The following C11orf98 variants were observed in gnomAD, a reference collection of about 807,000 sequenced individuals.
C11orf98 encodes the protein chromosome 11 open reading frame 98, also known as 28S rRNA/ribosome and sororin micro-cofactor.
A neutral mutation model predicts 10.9 loss-of-function variants in C11orf98; 7 were observed. The ratio of observed to expected loss-of-function variants is 0.64; its 90% CI spans 0.37 to 1.21. C11orf98 has a LOEUF of 1.21. Ranked by LOEUF, C11orf98 falls within the 50% of genes most tolerant of loss-of-function variation. The pLI is 0.02. For synonymous variants in C11orf98, 70 were observed against 57.2 expected, an observed-to-expected ratio of 1.22 and a Z score of -1.01; for missense variants, 181 against 153.7, an observed-to-expected ratio of 1.18 and a Z score of -0.94.
intron 2 of C11orf98, 56 bp from the exon 3 acceptor site, chr11:62,663,389 C>T: frequency 6.5e-7 from 1 of 1,544,922 alleles, no homozygotes; most frequent in South Asian, 1.1e-5. Context: ...ACTGAGGTCA[C>T]ACAAATAGTT....
intron 2 of C11orf98, 134 bp from the exon 3 acceptor site, chr11:62,663,467 G>A (rs1344744508): frequency 2.4e-6 from 2 of 841,128 alleles, no homozygotes; most frequent in East Asian, 2.9e-5. Context: ...AGCACTTTGG[G>A]AGGCCGAGGC....
intron 1 of C11orf98, 47 bp downstream of exon 1, chr11:62,665,084 G>A: frequency 6.8e-7 from 1 of 1,472,058 alleles, no homozygotes; most frequent in Non-Finnish European, 9.3e-7. Context: ...AGATAAAAGG[G>A]CTCAGGAACG....
chr11:62,665,010 C>G, intron 1 of C11orf98, 37 bp from the exon 2 acceptor site: 7 of 1,603,594 alleles, frequency 4.4e-6, no homozygotes, highest in Non-Finnish European at 5.9e-6. Context: ...ATGGAGTGGG[C>G]TCGCCGCGAC....
At position 62,664,082 on chromosome 11, in the gene C11orf98, G is replaced by GAA. The variant is rs71056540; in HGVS notation, c.165-751_165-750dup. On this transcript the variant is annotated intron_variant, in intron 2 of 3. Coordinates refer to ENST00000524958, the MANE Select transcript of C11orf98 (RefSeq NM_001286086.2). ...AGGGAGACTCTGTCTCAAAAAAGAG[G>GAA]AAAAAAAAAAAAAAAAAAAAAAAGG... is the stretch of plus-strand genomic sequence containing the variant. Among the ~76,000 whole-genome samples the GAA allele has an allele frequency of 4.2e-4, 28 of 65,902 alleles. 1 individual carries two copies. Among genetic ancestry groups the GAA allele is most frequent in the Admixed American group, 7.7e-4 (4 of 5,170 alleles). 43.2% of individuals were successfully genotyped at this position (65,902 alleles called of 152,430 possible). A position where few individuals can be genotyped will look rare whatever the true frequency, so the allele number is the denominator to read the frequency against.
At chr11:62,663,742 T>A (rs868319826) in intron 2 of C11orf98, among the ~76,000 whole-genome samples, 3 of 147,448 alleles carry the variant, frequency 2.0e-5, no homozygotes, top group South Asian at 4.3e-4. Flanking sequence ...ATATAAATAG[T>A]AATAGAAACC....
chr11:62,662,951 C>G lies in C11orf98; in HGVS notation c.*99G>C. 1.1e-6 allele frequency: 1 copy of G among 909,176 alleles called. No individual in the cohort carries two copies. The highest frequency in any genetic ancestry group is 2.6e-5 in the East Asian group (1 of 39,176). 56.3% of individuals were successfully genotyped at this position (909,176 alleles called of 1,614,324 possible). A position where few individuals can be genotyped will look rare whatever the true frequency, so the allele number is the denominator to read the frequency against. ...AGTAGGCCATTAGGTAGGAGGAAAT[C>G]TGGAGAGTGAAAAGGGGCCTTGCTT... is the stretch of plus-strand genomic sequence containing the variant. On this transcript the variant is annotated 3_prime_UTR_variant, in exon 4 of 4. Coordinates refer to ENST00000524958, the MANE Select transcript of C11orf98 (RefSeq NM_001286086.2).
rs78596563 is a variant in C11orf98, at chr11:62,664,778, G to T, written c.164+71C>A. The stretch of plus-strand genomic sequence containing the variant: ...ACAAGGTGAGCTGAGAGGTGAAGCT[G>T]CTCCGGAGCTCTGCAGGGAGGAAGG... On this transcript the variant is annotated intron_variant, in intron 2 of 3. Transcript: ENST00000524958. 11,386 of 1,527,910 alleles carry T rather than the reference G, an allele frequency of 7.5e-3. 60 individuals carry two copies. Among genetic ancestry groups the T allele is most frequent in the African/African-American group, 0.028 (2,025 of 72,476 alleles). 94.6% of individuals were successfully genotyped at this position (1,527,910 alleles called of 1,614,324 possible).
rs1944694513 is a variant in C11orf98, at chr11:62,662,930, G to T, written c.*120C>A. On this transcript the variant is annotated 3_prime_UTR_variant, in exon 4 of 4. Transcript: ENST00000524958. ...GACATCCCTCTAGGGGAGGTCAGTA[G>T]GCCATTAGGTAGGAGGAAATCTGGA... is the stretch of plus-strand genomic sequence containing the variant. 1 of 749,062 alleles carries T rather than the reference G, an allele frequency of 1.3e-6. No homozygotes were observed. Among genetic ancestry groups the T allele is most frequent in the Non-Finnish European group, 2.1e-6 (1 of 465,926 alleles). 46.4% of individuals were successfully genotyped at this position (749,062 alleles called of 1,614,324 possible).
chr11:62,663,099 GTCT>G lies in C11orf98; in HGVS notation c.320_322del (p.Lys107del). 2 of 1,613,566 alleles carry G rather than the reference GTCT, an allele frequency of 1.2e-6. No individual in the cohort carries two copies. The highest frequency in any genetic ancestry group is 1.7e-6 in the Non-Finnish European group (2 of 1,179,702). On this transcript the variant is annotated inframe_deletion, in exon 4 of 4. Coordinates refer to ENST00000524958, the MANE Select transcript of C11orf98 (RefSeq NM_001286086.2). ...CATTTCTACATCCTGGGGGGCTTTT[GTCT>G]TCTTTTGCCTTTTGAGCTGTGGTTC... is the stretch of plus-strand genomic sequence containing the variant.
In C11orf98 at chr11:62,662,831, C is replaced by G. The variant is rs971920304; in HGVS notation, c.*219G>C. ...TCACACACATCTCAGAGTGCTAGGGCTTTATTACAAATGGAGTTGACTGCT... is the reference window on the plus strand; with the variant it reads ...TCACACACATCTCAGAGTGCTAGGGGTTTATTACAAATGGAGTTGACTGCT... On this transcript the variant is annotated 3_prime_UTR_variant, in exon 4 of 4. Transcript: ENST00000524958. The G allele has an allele frequency of 1.8e-6, 1 of 559,102 alleles. No homozygotes were observed. The allele number at this position is 559,102 out of a possible 1,614,324, so 34.6% of individuals were successfully genotyped here. A position where few individuals can be genotyped will look rare whatever the true frequency, so the allele number is the denominator to read the frequency against.
chr11:62,664,599 G>A (rs955843834), intron 2 of C11orf98, among the ~76,000 whole-genome samples: 2 of 152,222 alleles, frequency 1.3e-5, no homozygotes, highest in East Asian at 3.9e-4. Flanking sequence ...CCAAAGTGCT[G>A]GGATTACAGG....
chr11:62,665,065 T>C (rs770988874), intron 1 of C11orf98, 66 bp downstream of exon 1: 5 of 1,562,510 alleles, frequency 3.2e-6, no homozygotes, highest in Non-Finnish European at 4.3e-6. Context: ...ACTGATCCCA[T>C]CTCGTGCGAG....
At position 62,663,278 on chromosome 11, in the gene C11orf98, G is replaced by C. The variant is rs1232626484; in HGVS notation, c.220C>G (p.Gln74Glu). 2 of 1,614,180 alleles carry C rather than the reference G, an allele frequency of 1.2e-6. No homozygotes were observed. Among genetic ancestry groups the C allele is most frequent in the Admixed American group, 1.7e-5 (1 of 60,004 alleles). The change falls in exon 3 of 4, where the codon CAG becomes GAG. Residue 74 changes from glutamine (Q) to glutamate (E), a missense_variant. Physicochemically the swap from Gln to Glu is conservative, Grantham distance 29. Transcript: ENST00000524958. ...LSGKKRRKLLQQIRLAQKEKT... is the reference protein window; with the variant it reads ...LSGKKRRKLLEQIRLAQKEKT... ...TCTTTCTGGGCAAGCCGGATCTGCTGGAGGAGTTTTCTGCGCTTCTTCCCT... is the reference window on the plus strand; with the variant it reads ...TCTTTCTGGGCAAGCCGGATCTGCTCGAGGAGTTTTCTGCGCTTCTTCCCT...
rs148572859 is a variant in C11orf98, at chr11:62,663,292, C to A, written c.206G>T (p.Arg69Leu). The change falls in exon 3 of 4, where the codon CGC (arginine) becomes CTC (leucine). Residue 69 changes from arginine to leucine, a missense_variant. Transcript: ENST00000524958. Reference sequence around the variant, plus strand: ...CCGGATCTGCTGGAGGAGTTTTCTGCGCTTCTTCCCTGACAGTGTAATGTT... The same window carrying A: ...CCGGATCTGCTGGAGGAGTTTTCTGAGCTTCTTCCCTGACAGTGTAATGTT... ...RANITLSGKK[R>L]RKLLQQIRLA... 1.2e-6 allele frequency: 2 copies of A among 1,614,166 alleles called. No individual in the cohort carries two copies. Among genetic ancestry groups the A allele is most frequent in the Middle Eastern group, 1.6e-4 (1 of 6,062 alleles).
At position 62,664,653 on chromosome 11, in the gene C11orf98, C is replaced by A. The variant is rs150428897; in HGVS notation, c.164+196G>T. Among the ~76,000 whole-genome samples, 112 of 152,192 alleles carry A rather than the reference C, an allele frequency of 7.4e-4. 2 individuals carry two copies. The East Asian group carries it at 0.019, about 26-fold the overall frequency. ...GCTTTCCTGAGATTCTTAACAGAAT[C>A]CAAAACCCAAAGAAAGGTTGTCTGC... On this transcript the variant is annotated intron_variant, in intron 2 of 3. Coordinates refer to ENST00000524958, the MANE Select transcript of C11orf98 (RefSeq NM_001286086.2).
At position 62,665,085 on chromosome 11, in the gene C11orf98, C is replaced by T. The variant is rs779764864; in HGVS notation, c.39+46G>A. 21 of 1,475,468 alleles carry T rather than the reference C, an allele frequency of 1.4e-5. 1 individual carries two copies. In the South Asian group the frequency reaches 2.3e-4, roughly 16 times the overall value. The allele number at this position is 1,475,468 out of a possible 1,614,324, so 91.4% of individuals were successfully genotyped here. A position where few individuals can be genotyped will look rare whatever the true frequency, so the allele number is the denominator to read the frequency against. On this transcript the variant is annotated intron_variant, in intron 1 of 3. Coordinates refer to ENST00000524958, the MANE Select transcript of C11orf98 (RefSeq NM_001286086.2). ...TCCCATCTCGTGCGAGATAAAAGGGCTCAGGAACGCTTGAGGAAACAAAGT... is the reference window on the plus strand; with the variant it reads ...TCCCATCTCGTGCGAGATAAAAGGGTTCAGGAACGCTTGAGGAAACAAAGT...
At chr11:62,664,758 G>GT in intron 2 of C11orf98, 91 bp downstream of exon 2, 1 of 1,481,064 alleles carries the variant, frequency 6.8e-7, no homozygotes, top group Non-Finnish European at 9.1e-7. Flanking sequence ...AGTGCACAAG[G>GT]TGAGCTGAGA....
In C11orf98 at chr11:62,664,927, T is replaced by C; in HGVS notation, c.86A>G (p.Glu29Gly). The change falls in exon 2 of 4, where the codon GAG becomes GGG. Residue 29 changes from glutamate (E) to glycine (G), a missense_variant. Coordinates refer to ENST00000524958, the MANE Select transcript of C11orf98 (RefSeq NM_001286086.2). ...LFKRRRVLNR[E>G]RRLRHRVVGA... The stretch of plus-strand genomic sequence containing the variant: ...GACCACCCGGTGCCTCAGACGCCGC[T>C]CCCGATTCAACACCCGCCGGCGTTT... The C allele has an allele frequency of 6.8e-6, 11 of 1,606,152 alleles. No individual in the cohort carries two copies. The highest frequency in any genetic ancestry group is 9.3e-6 in the Non-Finnish European group (11 of 1,176,704).
At chr11:62,664,776 C>T in intron 2 of C11orf98, 73 bp downstream of exon 2, 1 of 1,524,608 alleles carries the variant, frequency 6.6e-7, no homozygotes, top group Admixed American at 2.0e-5. Context: ...AGAGGTGAAG[C>T]TGCTCCGGAG....
Sources: allele counts gnomAD v4.1 joint callset (sites outside exome capture counted in the v4.1 genomes callset), GRCh38; gene constraint gnomAD v4.1.1; transcripts MANE v1.5; gene names NCBI Gene and HGNC (gene_info 2026-07-23, HGNC 2026-07-21).